The following CCDC185 variants were observed in gnomAD, a reference collection of about 807,000 sequenced individuals.
CCDC185 encodes coiled-coil domain containing 185, also known as coiled-coil domain-containing protein 185.
For missense variants in CCDC185, 982 were observed against 825.3 expected (o/e 1.19, Z -2.33); for synonymous variants, 381 against 348.1 (o/e 1.09, Z -1.05).
chr1:223,395,010 A>G lies in CCDC185; in HGVS notation c.1535A>G (p.Glu512Gly). The G allele has an allele frequency of 6.2e-7, 1 of 1,614,088 alleles. No homozygotes were observed. The highest frequency in any genetic ancestry group is 8.5e-7 in the Non-Finnish European group (1 of 1,180,014). ...RKRILVELAD[E>G]KIRQARSHVH... ...AGAATTCTGGTGGAGCTGGCGGATG[A>G]GAAGATCCGACAGGCCAGGAGTCAC... is the stretch of plus-strand genomic sequence containing the variant. The change falls in exon 1 of 1, where the codon GAG (glutamate) becomes GGG (glycine). Residue 512 changes from glutamate (E) to glycine (G), a missense_variant. Coordinates refer to ENST00000366875, the MANE Select transcript of CCDC185 (RefSeq NM_152610.3).
Position 223,393,432 on chromosome 1 carries a change from T to A in CCDC185, c.-44T>A. ...GGGTGTCTGCAGCGTCCTCGGGAGGTCTCAGGCCCCTTGGGCAGACGCTGC... is the reference window on the plus strand; with the variant it reads ...GGGTGTCTGCAGCGTCCTCGGGAGGACTCAGGCCCCTTGGGCAGACGCTGC... On this transcript the variant is annotated 5_prime_UTR_variant, in exon 1 of 1. Transcript: ENST00000366875. This position sits in a 1 kb window ranked among gnomAD's most constrained non-coding sequence, Gnocchi z 4.8. 1 of 1,410,674 alleles carries A rather than the reference T, an allele frequency of 7.1e-7. No individual in the cohort carries two copies. 87.4% of individuals were successfully genotyped at this position (1,410,674 alleles called of 1,614,324 possible). A position where few individuals can be genotyped will look rare whatever the true frequency, so the allele number is the denominator to read the frequency against.
At position 223,395,459 on chromosome 1, in the gene CCDC185, G is replaced by C. The variant is rs1396061897; in HGVS notation, c.*112G>C. 3.3e-6 allele frequency: 4 copies of C among 1,194,380 alleles called. No individual in the cohort carries two copies. Among genetic ancestry groups the C allele is most frequent in the Non-Finnish European group, 4.4e-6 (4 of 906,040 alleles). The allele number at this position is 1,194,380 out of a possible 1,614,324, so 74.0% of individuals were successfully genotyped here. A position where few individuals can be genotyped will look rare whatever the true frequency, so the allele number is the denominator to read the frequency against. ...TGATTTTAAAAAAGCATGTAAAATA[G>C]CTGCAATTTCCTCTCATGAACTGGT... On this transcript the variant is annotated 3_prime_UTR_variant, in exon 1 of 1. Transcript: ENST00000366875.
rs1459245647 is a variant in CCDC185, at chr1:223,393,761, T to C, written c.286T>C (p.Ser96Pro). ...SDVARRPLER[S>P]RKHRPRSRRL... is the part of the protein sequence containing the mutation. ...TGTGGCCCGCAGGCCCCTGGAACGT[T>C]CCAGGAAGCACCGGCCCCGCAGCAG... Residue 96 changes from serine to proline, a missense_variant, in exon 1 of 1, where the codon TCC becomes CCC. By Grantham distance (74) the Ser-to-Pro change is moderately conservative. Transcript: ENST00000366875. This position sits in a 1 kb window ranked among gnomAD's most constrained non-coding sequence, Gnocchi z 4.8. The C allele has an allele frequency of 1.3e-6, 2 of 1,565,360 alleles. No individual in the cohort carries two copies. Among genetic ancestry groups the C allele is most frequent in the Non-Finnish European group, 1.7e-6 (2 of 1,157,570 alleles).
In CCDC185 at chr1:223,394,424, G is replaced by C; in HGVS notation, c.949G>C (p.Glu317Gln). 1 of 1,567,120 alleles carries C rather than the reference G, an allele frequency of 6.4e-7. No homozygotes were observed. The highest frequency in any genetic ancestry group is 8.6e-7 in the Non-Finnish European group (1 of 1,156,734). The change falls in exon 1 of 1, where the codon GAG becomes CAG. Residue 317 changes from glutamate (E) to glutamine (Q), a missense_variant. Coordinates refer to ENST00000366875, the MANE Select transcript of CCDC185 (RefSeq NM_152610.3). Reference protein sequence around the residue: ...RQSQEQWQEKEQRKTLQSPEQ... With the variant: ...RQSQEQWQEKQQRKTLQSPEQ... ...GAGCCAGGAGCAGTGGCAGGAGAAGGAGCAGCGCAAGACCCTCCAGAGCCC... is the reference window on the plus strand; with the variant it reads ...GAGCCAGGAGCAGTGGCAGGAGAAGCAGCAGCGCAAGACCCTCCAGAGCCC...
chr1:223,393,851 C>A lies in CCDC185; in HGVS notation c.376C>A (p.Gln126Lys). 1 of 1,602,776 alleles carries A rather than the reference C, an allele frequency of 6.2e-7. No homozygotes were observed. The highest frequency in any genetic ancestry group is 1.7e-5 in the Admixed American group (1 of 58,740). ...KPRPAWQPQT[Q>K]LPPQRPQPCP... ...CCGCCCGGCTTGGCAGCCGCAGACC[C>A]AGCTGCCACCCCAGCGGCCGCAGCC... The change falls in exon 1 of 1, where the codon CAG becomes AAG. Residue 126 changes from glutamine (Q) to lysine (K), a missense_variant. By Grantham distance (53) the Gln-to-Lys change is moderately conservative. Transcript: ENST00000366875. The surrounding 1 kb of genome is among the most constrained non-coding windows in gnomAD (Gnocchi z 4.8).
rs748601170 is a variant in CCDC185 at position 223,394,937 on chromosome 1, G to A, written c.1462G>A (p.Ala488Thr). 5.0e-6 allele frequency: 8 copies of A among 1,614,084 alleles called. No individual in the cohort carries two copies. The highest frequency in any genetic ancestry group is 1.3e-5 in the African/African-American group (1 of 74,936). Residue 488 changes from alanine to threonine, a missense_variant, in exon 1 of 1, where the codon GCC (alanine) becomes ACC (threonine). Transcript: ENST00000366875. ...GAAGGAGGAAGAGCAGTTGCAGCAG[G>A]CCAGGTGGCGCGCAGGGGAGTCAGA... is the stretch of plus-strand genomic sequence containing the variant. ...AQKEEEQLQQ[A>T]RWRAGESEEQ...
Position 223,394,769 on chromosome 1 carries a change from G to T in CCDC185, c.1294G>T (p.Ala432Ser). 6.2e-7 allele frequency: 1 copy of T among 1,612,938 alleles called. No homozygotes were observed. Among genetic ancestry groups the T allele is most frequent in the Non-Finnish European group, 8.5e-7 (1 of 1,179,186 alleles). The change falls in exon 1 of 1, where the codon GCC becomes TCC. Residue 432 changes from alanine to serine, a missense_variant. Ala to Ser is a moderately conservative substitution (Grantham distance 99, BLOSUM62 1). Transcript: ENST00000366875. ...TNLSSLINYQ[A>S]RKVLMDCQAK... ...CCTGAGCTCCCTCATCAATTACCAGGCCCGGAAGGTCCTCATGGACTGCCA... is the reference window on the plus strand; with the variant it reads ...CCTGAGCTCCCTCATCAATTACCAGTCCCGGAAGGTCCTCATGGACTGCCA...
rs922962218 is a variant in CCDC185, at chr1:223,394,383, GGCT to G, written c.917_919del (p.Leu306del). 3 of 1,571,504 alleles carry G rather than the reference GGCT, an allele frequency of 1.9e-6. No homozygotes were observed. Among genetic ancestry groups the G allele is most frequent in the South Asian group, 1.2e-5 (1 of 86,474 alleles). On this transcript the variant is annotated inframe_deletion, in exon 1 of 1. Transcript: ENST00000366875. ...CAGATGACCCTGGAGCGGGAGCGCC[GGCT>G]GCTGCTGCGGCAGAGCCAGGAGCAG... is the stretch of plus-strand genomic sequence containing the variant.
At position 223,393,687 on chromosome 1, in the gene CCDC185, G is replaced by T; in HGVS notation, c.212G>T (p.Arg71Leu). ...CACTGTTCGTTCACCCCGCGGCCTC[G>T]CAGGCGCGGGTGCTCAGATTCACTG... ...HPHCSFTPRP[R>L]RRGCSDSLRG... Residue 71 changes from arginine to leucine, a missense_variant, in exon 1 of 1, where the codon CGC becomes CTC. Arg to Leu is a moderately radical substitution (Grantham distance 102, BLOSUM62 -2). Coordinates refer to ENST00000366875, the MANE Select transcript of CCDC185 (RefSeq NM_152610.3). This position sits in a 1 kb window ranked among gnomAD's most constrained non-coding sequence, Gnocchi z 4.8. The T allele has an allele frequency of 6.4e-7, 1 of 1,569,794 alleles. No homozygotes were observed. Among genetic ancestry groups the T allele is most frequent in the Non-Finnish European group, 8.6e-7 (1 of 1,162,716 alleles).
At position 223,393,681 on chromosome 1, in the gene CCDC185, G is replaced by A. The variant is rs894689840; in HGVS notation, c.206G>A (p.Arg69Gln). 5.1e-6 allele frequency: 8 copies of A among 1,570,526 alleles called. No individual in the cohort carries two copies. The African/African-American group carries it at 6.8e-5, about 13-fold the overall frequency. The change falls in exon 1 of 1, where the codon CGG becomes CAG. Residue 69 changes from arginine to glutamine, a missense_variant. Transcript: ENST00000366875. This position sits in a 1 kb window ranked among gnomAD's most constrained non-coding sequence, Gnocchi z 4.8. The stretch of plus-strand genomic sequence containing the variant: ...CACCCGCACTGTTCGTTCACCCCGC[G>A]GCCTCGCAGGCGCGGGTGCTCAGAT... ...WLHPHCSFTP[R>Q]PRRRGCSDSL...
At chr1:223,395,214 AC>A in the CCDC185 span, 1 of 1,612,452 alleles carries the variant, frequency 6.2e-7, no homozygotes, top group Admixed American at 1.7e-5. Context: ...CAAGGGAAAG[AC>A]CCAAACTTCC....
In CCDC185 at chr1:223,395,317, C is replaced by T. The variant is rs1669651641; in HGVS notation, c.1842C>T (p.Leu614=). ...ATCAGATGGTACTAGAGGCCCAGCT[C>T]CGTGCCTGTCAGCAGAACAGGGGTT... The part of the protein sequence containing the change: ...SLDQMVLEAQ[L]RACQQNRGY The change falls in exon 1 of 1, where the codon CTC becomes CTT. Residue 614 remains leucine (L), a synonymous_variant. Transcript: ENST00000366875. 1.3e-6 allele frequency: 2 copies of T among 1,524,144 alleles called. No homozygotes were observed. Among genetic ancestry groups the T allele is most frequent in the Non-Finnish European group, 1.8e-6 (2 of 1,139,724 alleles). 94.4% of individuals were successfully genotyped at this position (1,524,144 alleles called of 1,614,324 possible).
chr1:223,393,857 C>G lies in CCDC185; in HGVS notation c.382C>G (p.Pro128Ala). 1 of 1,603,612 alleles carries G rather than the reference C, an allele frequency of 6.2e-7. No individual in the cohort carries two copies. Among genetic ancestry groups the G allele is most frequent in the African/African-American group, 1.3e-5 (1 of 74,874 alleles). Residue 128 changes from proline to alanine, a missense_variant, in exon 1 of 1, where the codon CCA (proline) becomes GCA (alanine). Coordinates refer to ENST00000366875, the MANE Select transcript of CCDC185 (RefSeq NM_152610.3). This position sits in a 1 kb window ranked among gnomAD's most constrained non-coding sequence, Gnocchi z 4.8. The part of the protein sequence containing the change: ...RPAWQPQTQL[P>A]PQRPQPCPHY... Reference sequence around the variant, plus strand: ...GGCTTGGCAGCCGCAGACCCAGCTGCCACCCCAGCGGCCGCAGCCCTGCCC... The same window carrying G: ...GGCTTGGCAGCCGCAGACCCAGCTGGCACCCCAGCGGCCGCAGCCCTGCCC...
chr1:223,394,157 C>A lies in CCDC185; in HGVS notation c.682C>A (p.Pro228Thr). 2 of 1,614,082 alleles carry A rather than the reference C, an allele frequency of 1.2e-6. No individual in the cohort carries two copies. Among genetic ancestry groups the A allele is most frequent in the South Asian group, 2.2e-5 (2 of 91,088 alleles). The change falls in exon 1 of 1, where the codon CCC becomes ACC. Residue 228 changes from proline (P) to threonine (T), a missense_variant. Coordinates refer to ENST00000366875, the MANE Select transcript of CCDC185 (RefSeq NM_152610.3). ...GTCATTAGCCAGCCGGGACTCCCAG[C>A]CCTTGGCCTCCAGCAAAGAGATGCG... ...VESLASRDSQ[P>T]LASSKEMRSP... is the part of the protein sequence containing the mutation.
chr1:223,395,201 T>C lies in CCDC185; in HGVS notation c.1726T>C (p.Ser576Pro), dbSNP rs996321586. Reference protein sequence around the residue: ...KKKEQRVQHISQGKDPNFQEF... With the variant: ...KKKEQRVQHIPQGKDPNFQEF... ...AAAGGAGCAGAGGGTGCAGCACATT[T>C]CCCAAGGGAAAGACCCAAACTTCCA... Residue 576 changes from serine (S) to proline (P), a missense_variant, in exon 1 of 1, where the codon TCC becomes CCC. Physicochemically the swap from Ser to Pro is moderately conservative, Grantham distance 74 (BLOSUM62 -1). Transcript: ENST00000366875. 6.2e-7 allele frequency: 1 copy of C among 1,613,246 alleles called. No homozygotes were observed. Among genetic ancestry groups the C allele is most frequent in the Admixed American group, 1.7e-5 (1 of 59,832 alleles).
In CCDC185 at chr1:223,394,531, C is replaced by G; in HGVS notation, c.1056C>G (p.Asp352Glu). 2 of 1,597,184 alleles carry G rather than the reference C, an allele frequency of 1.3e-6. No homozygotes were observed. Among genetic ancestry groups the G allele is most frequent in the Non-Finnish European group, 1.7e-6 (2 of 1,172,502 alleles). ...GCCGGTGGAAGGAGCAACCAGAGGA[C>G]CAGGAGAGCCCGCGCCAGGAGAAGC... ...GESRWKEQPEDQESPRQEKLE... is the reference protein window; with the variant it reads ...GESRWKEQPEEQESPRQEKLE... Residue 352 changes from aspartate (D) to glutamate (E), a missense_variant, in exon 1 of 1, where the codon GAC (aspartate) becomes GAG (glutamate). Coordinates refer to ENST00000366875, the MANE Select transcript of CCDC185 (RefSeq NM_152610.3).
At position 223,394,700 on chromosome 1, in the gene CCDC185, C is replaced by T. The variant is rs748888870; in HGVS notation, c.1225C>T (p.His409Tyr). 1.2e-6 allele frequency: 2 copies of T among 1,611,314 alleles called. No homozygotes were observed. Among genetic ancestry groups the T allele is most frequent in the African/African-American group, 2.7e-5 (2 of 74,810 alleles). The change falls in exon 1 of 1, where the codon CAC (histidine) becomes TAC (tyrosine). Residue 409 changes from histidine to tyrosine, a missense_variant. His to Tyr is a moderately conservative substitution (Grantham distance 83, BLOSUM62 2). Coordinates refer to ENST00000366875, the MANE Select transcript of CCDC185 (RefSeq NM_152610.3). ...GCTGGTGGAAGCCTGTCGCAAGAGGCACCTACATGCCGTGGAGGGCCAGAA... is the reference window on the plus strand; with the variant it reads ...GCTGGTGGAAGCCTGTCGCAAGAGGTACCTACATGCCGTGGAGGGCCAGAA... Reference protein sequence around the residue: ...RRLVEACRKRHLHAVEGQKKV... With the variant: ...RRLVEACRKRYLHAVEGQKKV...
In CCDC185 at chr1:223,394,229, G is replaced by A. The variant is rs143126549; in HGVS notation, c.754G>A (p.Val252Met). ...VLKSKLEEVV[V>M]SSQDQQIVAL... ...GAAGAGCAAGCTGGAAGAGGTGGTG[G>A]TGTCCTCCCAGGACCAGCAGATTGT... Residue 252 changes from valine (V) to methionine (M), a missense_variant, in exon 1 of 1, where the codon GTG becomes ATG. Physicochemically the swap from Val to Met is conservative, Grantham distance 21. Transcript: ENST00000366875. 1 of 1,613,984 alleles carries A rather than the reference G, an allele frequency of 6.2e-7. No individual in the cohort carries two copies. Among genetic ancestry groups the A allele is most frequent in the Non-Finnish European group, 8.5e-7 (1 of 1,180,044 alleles).
rs372316395 is a variant in CCDC185 at position 223,393,984 on chromosome 1, A to T, written c.509A>T (p.Asp170Val). Residue 170 changes from aspartate (D) to valine (V), a missense_variant, in exon 1 of 1, where the codon GAC becomes GTC. Transcript: ENST00000366875. The surrounding 1 kb of genome is among the most constrained non-coding windows in gnomAD (Gnocchi z 4.8). ...AGGGTAGAAAAGGCACAGGGTGGAGACCAGTGGGCAGTGCCACTCGGCAGA... is the reference window on the plus strand; with the variant it reads ...AGGGTAGAAAAGGCACAGGGTGGAGTCCAGTGGGCAGTGCCACTCGGCAGA... ...TFRVEKAQGG[D>V]QWAVPLGRHL... 6.2e-7 allele frequency: 1 copy of T among 1,613,920 alleles called. No individual in the cohort carries two copies. The highest frequency in any genetic ancestry group is 1.3e-5 in the African/African-American group (1 of 74,920).
Sources: gnomAD v4.1 joint callset for allele counts on GRCh38, gnomAD v4.1.1 for gene constraint, Gnocchi (gnomAD v3.1) non-coding constraint, MANE v1.5 for transcripts, NCBI Gene and HGNC (gene_info 2026-07-23, HGNC 2026-07-21) for gene names.